The following LAMTOR3 variants were observed in gnomAD, a reference collection of about 807,000 sequenced individuals.
The protein encoded by LAMTOR3 is late endosomal/lysosomal adaptor, MAPK and MTOR activator 3.
Under a neutral mutation model 20.3 loss-of-function variants are expected in LAMTOR3, and 14 were observed. The ratio of observed to expected loss-of-function variants is 0.69; its 90% CI spans 0.46 to 1.08. The LOEUF (loss-of-function observed/expected upper bound fraction) is 1.08. Among genes scored for constraint, LAMTOR3 ranks in the 50% least tolerant of loss-of-function variants. The pLI, the probability that LAMTOR3 is intolerant of heterozygous loss-of-function variation, is 0.00. For missense variants in LAMTOR3, 125 were observed against 143.7 expected, an observed-to-expected ratio of 0.87 and a Z score of 0.67; for synonymous variants, 40 against 49.4, an observed-to-expected ratio of 0.81 and a Z score of 0.80.
chr4:99,883,697 G>A (rs1404701215), intron 6 of LAMTOR3, among the ~76,000 whole-genome samples: 1 of 151,084 alleles, frequency 6.6e-6, no homozygotes, highest in African/African-American at 2.4e-5. Flanking sequence ...CGTTTTGTTG[G>A]GTTATCTTCA....
In LAMTOR3 at chr4:99,881,991, A is replaced by C; in HGVS notation, c.*3T>G. 3.1e-6 allele frequency: 5 copies of C among 1,595,450 alleles called. No homozygotes were observed. The highest frequency in any genetic ancestry group is 2.3e-5 in the East Asian group (1 of 44,300). On this transcript the variant is annotated 3_prime_UTR_variant, in exon 7 of 7. Transcript: ENST00000499666. ...TAAGGTACACACTGAAACCACTGTCAGATTAAGAAACTTCCACAACTTGTC... is the reference window on the plus strand; with the variant it reads ...TAAGGTACACACTGAAACCACTGTCCGATTAAGAAACTTCCACAACTTGTC...
intron 5 of LAMTOR3, among the ~76,000 whole-genome samples, 170 bp from the exon 6 acceptor site, chr4:99,884,295 A>G (rs1242957285): frequency 6.6e-6 from 1 of 152,242 alleles, no homozygotes; most frequent in Non-Finnish European, 1.5e-5. Context: ...GAATATTTCC[A>G]TAAAACAGAA....
intron 3 of LAMTOR3, among the ~76,000 whole-genome samples, chr4:99,889,406 G>A (rs745842706): frequency 6.6e-6 from 1 of 151,780 alleles, no homozygotes; most frequent in South Asian, 2.1e-4. Context: ...CACCTACAAA[G>A]GAATACTCTG....
rs1355812070 is a variant in LAMTOR3 at position 99,878,655 on chromosome 4, T to C, written c.*3339A>G. ...TAGCATGCCATACAGTTTGACACCA[T>C]GCTTTTCTCAATAAACATTATTATG... On this transcript the variant is annotated 3_prime_UTR_variant, in exon 7 of 7. Transcript: ENST00000499666. 3 of 152,230 alleles carry C rather than the reference T, an allele frequency of 2.0e-5. No individual in the cohort carries two copies. Among genetic ancestry groups the C allele is most frequent in the Non-Finnish European group, 4.4e-5 (3 of 68,032 alleles). 9.4% of individuals were successfully genotyped at this position (152,230 alleles called of 1,614,324 possible).
At chr4:99,889,452 T>C (rs914559001) in intron 3 of LAMTOR3, among the ~76,000 whole-genome samples, 2 of 152,190 alleles carry the variant, frequency 1.3e-5, no homozygotes, top group Non-Finnish European at 2.9e-5. Context: ...GGAAGTTCTC[T>C]ATGTACCAGG....
chr4:99,894,002 T>C lies in LAMTOR3; in HGVS notation c.-37-2A>G. On this transcript the variant is annotated splice_acceptor_variant, in intron 1 of 6. Coordinates refer to ENST00000499666, the MANE Select transcript of LAMTOR3 (RefSeq NM_021970.4). LOFTEE classifies it low-confidence loss of function (5UTR_SPLICE). Reference sequence around the variant, plus strand: ...CTCTCGCAGGATCAATCTCCACGCCTGGAAGAGAAACTCCCGGTGACTCTT... The same window carrying C: ...CTCTCGCAGGATCAATCTCCACGCCCGGAAGAGAAACTCCCGGTGACTCTT... The C allele has an allele frequency of 1.3e-6, 2 of 1,517,028 alleles. No homozygotes were observed. The highest frequency in any genetic ancestry group is 1.8e-6 in the Non-Finnish European group (2 of 1,126,146). 94.0% of individuals were successfully genotyped at this position (1,517,028 alleles called of 1,614,324 possible).
chr4:99,885,142 C>CA (rs1393054433), intron 5 of LAMTOR3, among the ~76,000 whole-genome samples: 4 of 151,962 alleles, frequency 2.6e-5, no homozygotes, highest in Non-Finnish European at 5.9e-5. Context: ...TATATATTTC[C>CA]AAAAAATGAA....
intron 3 of LAMTOR3, among the ~76,000 whole-genome samples, chr4:99,888,089 A>T (rs1724961411): frequency 6.6e-6 from 1 of 152,222 alleles, no homozygotes; most frequent in African/African-American, 2.4e-5. Context: ...CTTACGTAAG[A>T]AGTAGTAAGC....
intron 3 of LAMTOR3, among the ~76,000 whole-genome samples, chr4:99,890,038 T>C (rs75567852): frequency 6.6e-6 from 1 of 152,110 alleles, no homozygotes; most frequent in East Asian, 1.9e-4. Flanking sequence ...AAGAGTAATA[T>C]AAATAGAATT....
chr4:99,885,827 T>C, intron 4 of LAMTOR3, 152 bp from the exon 5 acceptor site: 1 of 615,980 alleles, frequency 1.6e-6, no homozygotes, highest in East Asian at 3.2e-5. Context: ...GTCTCATCAC[T>C]AATCAGGAAA....
rs748691947 is a variant in LAMTOR3, at chr4:99,881,949, T to G, written c.*45A>C. On this transcript the variant is annotated 3_prime_UTR_variant, in exon 7 of 7. Coordinates refer to ENST00000499666, the MANE Select transcript of LAMTOR3 (RefSeq NM_021970.4). Reference sequence around the variant, plus strand: ...TCTAAAGATTGCTGGATTGATATTGTGTTGTTATAATGAAGATAAGGTACA... The same window carrying G: ...TCTAAAGATTGCTGGATTGATATTGGGTTGTTATAATGAAGATAAGGTACA... The G allele has an allele frequency of 3.2e-6, 4 of 1,247,826 alleles. No individual in the cohort carries two copies. Among genetic ancestry groups the G allele is most frequent in the Non-Finnish European group, 4.7e-6 (4 of 852,782 alleles). 77.3% of individuals were successfully genotyped at this position (1,247,826 alleles called of 1,614,324 possible). A position where few individuals can be genotyped will look rare whatever the true frequency, so the allele number is the denominator to read the frequency against.
At chr4:99,888,829 T>C (rs1724974111) in intron 3 of LAMTOR3, among the ~76,000 whole-genome samples, 1 of 152,382 alleles carries the variant, frequency 6.6e-6, no homozygotes, top group Admixed American at 6.5e-5. Flanking sequence ...ACTTTTATAC[T>C]ATTTTTATCC....
At chr4:99,890,116 T>C (rs985832624) in intron 3 of LAMTOR3, among the ~76,000 whole-genome samples, 1 of 152,228 alleles carries the variant, frequency 6.6e-6, no homozygotes, top group East Asian at 1.9e-4. Flanking sequence ...AATTAAATTT[T>C]GTGAAATATT....
intron 5 of LAMTOR3, among the ~76,000 whole-genome samples, chr4:99,885,157 T>G (rs1289887863): frequency 6.6e-6 from 1 of 152,086 alleles, no homozygotes; most frequent in Non-Finnish European, 1.5e-5. Context: ...AATGAAGGAA[T>G]TAGCAGCAAG....
chr4:99,881,966 TA>T lies in LAMTOR3; in HGVS notation c.*27del. Reference sequence around the variant, plus strand: ...TGATATTGTGTTGTTATAATGAAGATAAGGTACACACTGAAACCACTGTCAG... The same window carrying T: ...TGATATTGTGTTGTTATAATGAAGATAGGTACACACTGAAACCACTGTCAG... On this transcript the variant is annotated 3_prime_UTR_variant, in exon 7 of 7. Transcript: ENST00000499666. 7.1e-7 allele frequency: 1 copy of T among 1,415,460 alleles called. No individual in the cohort carries two copies. Among genetic ancestry groups the T allele is most frequent in the Non-Finnish European group, 1.0e-6 (1 of 1,003,118 alleles). 87.7% of individuals were successfully genotyped at this position (1,415,460 alleles called of 1,614,324 possible).
rs570995524 is a variant in LAMTOR3, at chr4:99,880,579, C to A, written c.*1415G>T. ...CCACTGCACTCCAGACTGGGCAACA[C>A]AGCAAGACTCTGTCTCTTAAAAAAA... On this transcript the variant is annotated 3_prime_UTR_variant, in exon 7 of 7. Coordinates refer to ENST00000499666, the MANE Select transcript of LAMTOR3 (RefSeq NM_021970.4). 6.6e-6 allele frequency: 1 copy of A among 152,290 alleles called. No individual in the cohort carries two copies. Among genetic ancestry groups the A allele is most frequent in the African/African-American group, 2.4e-5 (1 of 41,366 alleles). The allele number at this position is 152,290 out of a possible 1,614,324, so 9.4% of individuals were successfully genotyped here.
chr4:99,882,189 C>A, intron 6 of LAMTOR3, 122 bp from the exon 7 acceptor site: 1 of 625,746 alleles, frequency 1.6e-6, no homozygotes, highest in African/African-American at 1.9e-5. Context: ...AGTTTATTTC[C>A]CATGACTGAA....
chr4:99,888,748 T>C (rs375161063), intron 3 of LAMTOR3, among the ~76,000 whole-genome samples: 35 of 152,292 alleles, frequency 2.3e-4, no homozygotes, highest in Admixed American at 3.3e-4. Flanking sequence ...TAAATATGAA[T>C]GGAAAATGTT....
intron 3 of LAMTOR3, among the ~76,000 whole-genome samples, chr4:99,888,728 A>G (rs1724972224): frequency 6.6e-6 from 1 of 152,248 alleles, no homozygotes; most frequent in Non-Finnish European, 1.5e-5. Context: ...TTAAGTCAGA[A>G]AAGTGTTATT....
Sources: allele counts gnomAD v4.1 joint callset (sites outside exome capture counted in the v4.1 genomes callset), GRCh38; gene constraint gnomAD v4.1.1; transcripts MANE v1.5; gene names NCBI Gene and HGNC (gene_info 2026-07-23, HGNC 2026-07-21).